The following FAM117B variants were observed in gnomAD, a reference collection of about 807,000 sequenced individuals.
FAM117B encodes family with sequence similarity 117 member B, also known as protein FAM117B.
FAM117B carries 22 observed loss-of-function variants against 52.8 expected under a neutral mutation model. The ratio of observed to expected loss-of-function variants is 0.42; its 90% CI spans 0.30 to 0.59. The LOEUF (loss-of-function observed/expected upper bound fraction) is 0.59, where lower values mean the gene tolerates loss of function less well. FAM117B is among the 20% of genes least tolerant of loss of function. The pLI is 0.22. For missense variants in FAM117B, 678 were observed against 802.6 expected (o/e 0.84, Z 1.88); for synonymous variants, 309 against 324.1 (o/e 0.95, Z 0.50).
At chr2:202,747,436 G>A (rs1691651230) in intron 4 of FAM117B, among the ~76,000 whole-genome samples, 1 of 151,210 alleles carries the variant, frequency 6.6e-6, no homozygotes, top group Admixed American at 6.6e-5. Flanking sequence ...GCAACCAGAT[G>A]AAAGAAAAAA....
At chr2:202,687,686 C>T (rs1366447491) in intron 1 of FAM117B, among the ~76,000 whole-genome samples, 1 of 152,208 alleles carries the variant, frequency 6.6e-6, no homozygotes, top group Admixed American at 6.5e-5. Context: ...ATTGGGATTA[C>T]AGGCGTGAGT....
Position 202,635,757 on chromosome 2 carries a change from G to C in FAM117B, c.570G>C (p.Lys190Asn), listed in dbSNP as rs1037137888. 7.6e-6 allele frequency: 11 copies of C among 1,456,752 alleles called. No individual in the cohort carries two copies. In the Admixed American group the frequency reaches 1.9e-4, roughly 25 times the overall value. 90.2% of individuals were successfully genotyped at this position (1,456,752 alleles called of 1,614,324 possible). ...AGCAGAGCCGAAGCTCGCCGGAGAA[G>C]AGGAGCCCCAGCGCCCCGGTTTGCA... ...SPEQSRSSPE[K>N]RSPSAPVCKA... The change falls in exon 1 of 8, where the codon AAG becomes AAC. Residue 190 changes from lysine (K) to asparagine (N), a missense_variant. Around this residue, in one of 3 missense-constraint regions of FAM117B, gnomAD observed 583 missense variants for 644.8 expected, o/e 0.90. Transcript: ENST00000392238.
intron 1 of FAM117B, among the ~76,000 whole-genome samples, chr2:202,679,083 CTTCTA>C (rs1281365124): frequency 1.3e-5 from 2 of 152,180 alleles, no homozygotes; most frequent in African/African-American, 4.8e-5. Context: ...CATGAAGAGA[CTTCTA>C]TTTCTGGCCA....
chr2:202,690,896 C>T (rs1690610621), intron 1 of FAM117B, among the ~76,000 whole-genome samples: 2 of 152,136 alleles, frequency 1.3e-5, no homozygotes, highest in African/African-American at 4.8e-5. Flanking sequence ...GCACCAAATC[C>T]TGTCAGTTTT....
At chr2:202,755,377 A>G (rs1355706643) in intron 4 of FAM117B, among the ~76,000 whole-genome samples, 161 bp from the exon 5 acceptor site, 11 of 152,204 alleles carry the variant, frequency 7.2e-5, no homozygotes, top group Non-Finnish European at 1.6e-4. Flanking sequence ...TTTAAATTAT[A>G]TTTCATACAT....
At chr2:202,646,216 G>C (rs1214003329) in intron 1 of FAM117B, among the ~76,000 whole-genome samples, 1 of 151,854 alleles carries the variant, frequency 6.6e-6, no homozygotes, top group Non-Finnish European at 1.5e-5. Flanking sequence ...TCACCATGTT[G>C]GCCAGGCTGG....
At chr2:202,724,051 C>T (rs367643887) in intron 2 of FAM117B, among the ~76,000 whole-genome samples, 6 of 89,784 alleles carry the variant, frequency 6.7e-5, no homozygotes, top group Admixed American at 1.7e-4. Context: ...TAAGGTTTAA[C>T]TTTTTTTTTT....
At chr2:202,733,062 A>G (rs948996474) in intron 4 of FAM117B, among the ~76,000 whole-genome samples, 2 of 152,106 alleles carry the variant, frequency 1.3e-5, no homozygotes, top group African/African-American at 2.4e-5. Context: ...GAGTACAAAG[A>G]GAGGAATTTT....
intron 4 of FAM117B, among the ~76,000 whole-genome samples, chr2:202,752,192 A>G (rs932051253): frequency 6.6e-6 from 1 of 152,196 alleles, no homozygotes; most frequent in African/African-American, 2.4e-5. Flanking sequence ...TTTTCTGAGC[A>G]TTCATGCTTT....
chr2:202,742,647 A>G (rs1691561331), intron 4 of FAM117B, among the ~76,000 whole-genome samples: 1 of 152,252 alleles, frequency 6.6e-6, no homozygotes, highest in African/African-American at 2.4e-5. Flanking sequence ...AAAATTCATA[A>G]TCAACAAAAG....
intron 1 of FAM117B, among the ~76,000 whole-genome samples, chr2:202,641,297 T>G (rs923905283): frequency 5.9e-5 from 9 of 152,248 alleles, no homozygotes; most frequent in African/African-American, 1.9e-4. Context: ...CCTATCATAT[T>G]CAGTTCTTTG....
At chr2:202,665,259 A>G (rs1690185556) in intron 1 of FAM117B, among the ~76,000 whole-genome samples, 1 of 151,048 alleles carries the variant, frequency 6.6e-6, no homozygotes, top group South Asian at 2.1e-4. Flanking sequence ...AGCTTACTGC[A>G]ACCTCTGCCT....
intron 1 of FAM117B, among the ~76,000 whole-genome samples, chr2:202,675,570 C>T (rs1017970637): frequency 6.6e-6 from 1 of 151,634 alleles, no homozygotes; most frequent in African/African-American, 2.4e-5. Flanking sequence ...CTTGGTCATA[C>T]CTCTAGTGGG....
chr2:202,697,645 G>A (rs1260254337), intron 2 of FAM117B, among the ~76,000 whole-genome samples: 1 of 151,356 alleles, frequency 6.6e-6, no homozygotes, highest in Non-Finnish European at 1.5e-5. Context: ...CTGCCTCCCG[G>A]ATTCAAGCGA....
In FAM117B at chr2:202,757,390, G is replaced by A. The variant is rs550415690; in HGVS notation, c.1282G>A (p.Glu428Lys). 3.1e-6 allele frequency: 5 copies of A among 1,614,084 alleles called. 1 individual carries two copies. Among genetic ancestry groups the A allele is most frequent in the Admixed American group, 3.3e-5 (2 of 59,996 alleles). Reference protein sequence around the residue: ...FLTISNEGSEESPCSADDLLV... With the variant: ...FLTISNEGSEKSPCSADDLLV... ...CACCATTTCCAATGAAGGTAGCGAGGAGAGTCCTTGCTCAGCGGATGACCT... is the reference window on the plus strand; with the variant it reads ...CACCATTTCCAATGAAGGTAGCGAGAAGAGTCCTTGCTCAGCGGATGACCT... The change falls in exon 6 of 8, where the codon GAG becomes AAG. Residue 428 changes from glutamate (E) to lysine (K), a missense_variant. This residue lies in a region of FAM117B where 583 missense variants were observed against 644.8 expected (regional missense o/e 0.90). Coordinates refer to ENST00000392238, the MANE Select transcript of FAM117B (RefSeq NM_173511.4).
At chr2:202,715,520 G>A (rs1169160493) in intron 2 of FAM117B, among the ~76,000 whole-genome samples, 57 of 149,260 alleles carry the variant, frequency 3.8e-4, no homozygotes, top group Admixed American at 3.3e-3. Flanking sequence ...CATCTCAGAC[G>A]ATGGGCGGCC....
At chr2:202,681,176 AAAAGT>A (rs1690458391) in intron 1 of FAM117B, among the ~76,000 whole-genome samples, 1 of 152,200 alleles carries the variant, frequency 6.6e-6, no homozygotes, top group Non-Finnish European at 1.5e-5. Flanking sequence ...CAACTAAACA[AAAAGT>A]AAAAGAAATA....
intron 1 of FAM117B, among the ~76,000 whole-genome samples, chr2:202,687,931 CTT>C (rs1234557155): frequency 1.3e-5 from 2 of 152,018 alleles, no homozygotes; most frequent in Non-Finnish European, 2.9e-5. Context: ...TGTTTGAAAA[CTT>C]AGTGGAGAAA....
At chr2:202,713,888 G>A (rs1690995834) in intron 2 of FAM117B, among the ~76,000 whole-genome samples, 1 of 152,132 alleles carries the variant, frequency 6.6e-6, no homozygotes, top group Non-Finnish European at 1.5e-5. Context: ...TGTATTTTTA[G>A]TAGAGATGAG....
Sources: allele counts gnomAD v4.1 joint callset (sites outside exome capture counted in the v4.1 genomes callset), GRCh38; gene constraint gnomAD v4.1.1; regional missense constraint gnomAD v4.1.1; transcripts MANE v1.5; gene names NCBI Gene and HGNC (gene_info 2026-07-23, HGNC 2026-07-21).